PDCD1LG2: variants seen among roughly 807,000 people sequenced by gnomAD.
PDCD1LG2 encodes the protein programmed cell death 1 ligand 2.
PDCD1LG2 carries 32 observed loss-of-function variants against 28.2 expected under a neutral mutation model. The observed-to-expected ratio is 1.13, with a 90% CI of 0.86 to 1.52. PDCD1LG2 has a LOEUF of 1.52. PDCD1LG2 is among the 40% of genes most tolerant of loss of function. PDCD1LG2 has a pLI of 0.00. For synonymous variants in PDCD1LG2, 116 were observed against 120.2 expected (o/e 0.97, Z 0.23); for missense variants, 385 against 323.8 (o/e 1.19, Z -1.45).
chr9:5,544,110 C>G (rs949297521), intron 3 of PDCD1LG2, among the ~76,000 whole-genome samples: 12 of 152,180 alleles, frequency 7.9e-5, no homozygotes, highest in Non-Finnish European at 1.8e-4. Flanking sequence ...GAAATTACAG[C>G]ATTGCTTGTA....
intron 6 of PDCD1LG2, among the ~76,000 whole-genome samples, chr9:5,568,153 T>C (rs774742168): frequency 6.6e-6 from 1 of 152,164 alleles, no homozygotes; most frequent in African/African-American, 2.4e-5. Flanking sequence ...GTGGTGAAAT[T>C]AGAGTGGAGG....
chr9:5,514,278 T>C (rs1820114354), intron 1 of PDCD1LG2, among the ~76,000 whole-genome samples: 2 of 152,186 alleles, frequency 1.3e-5, no homozygotes, highest in Admixed American at 6.5e-5. Flanking sequence ...CAAGTAAATG[T>C]TTTGAATAAA....
chr9:5,539,308 G>C (rs1341539077), intron 3 of PDCD1LG2, among the ~76,000 whole-genome samples: 2 of 152,122 alleles, frequency 1.3e-5, no homozygotes, highest in Non-Finnish European at 2.9e-5. Context: ...CTGATCCAGG[G>C]TCTCTAAAAG....
At chr9:5,534,201 G>A (rs773005870) in intron 2 of PDCD1LG2, among the ~76,000 whole-genome samples, 1 of 152,144 alleles carries the variant, frequency 6.6e-6, no homozygotes, top group Non-Finnish European at 1.5e-5. Context: ...AATTCAACAA[G>A]TAATAGTTAT....
chr9:5,570,519 A>C lies in PDCD1LG2; in HGVS notation c.*560A>C. 2 of 233,354 alleles carry C rather than the reference A, an allele frequency of 8.6e-6. No homozygotes were observed. The highest frequency in any genetic ancestry group is 5.6e-5 in the Admixed American group (1 of 17,846). The allele number at this position is 233,354 out of a possible 1,614,324, so 14.5% of individuals were successfully genotyped here. A position where few individuals can be genotyped will look rare whatever the true frequency, so the allele number is the denominator to read the frequency against. ...ATAGCATAATGAAGTTGTTCTAATT[A>C]ACAGAGAGCATTTAAATATACACTA... On this transcript the variant is annotated 3_prime_UTR_variant, in exon 7 of 7. Transcript: ENST00000397747.
rs183018183 is a variant in PDCD1LG2 at position 5,569,835 on chromosome 9, C to A, written c.817-119C>A. The A allele has an allele frequency of 2.9e-5, 29 of 989,648 alleles. No homozygotes were observed. In the East Asian group the frequency reaches 6.3e-4, roughly 22 times the overall value. 61.3% of individuals were successfully genotyped at this position (989,648 alleles called of 1,614,324 possible). A position where few individuals can be genotyped will look rare whatever the true frequency, so the allele number is the denominator to read the frequency against. On this transcript the variant is annotated intron_variant, in intron 6 of 6. Coordinates refer to ENST00000397747, the MANE Select transcript of PDCD1LG2 (RefSeq NM_025239.4). This position sits in a 1 kb window ranked among gnomAD's most constrained non-coding sequence, Gnocchi z 4.1. ...TTTAAATGAAAAGTTTTAAACCATG[C>A]GGCTTCCAGCTAGATGAACTTTTTT... is the stretch of plus-strand genomic sequence containing the variant.
At chr9:5,549,717 G>A in intron 4 of PDCD1LG2, 113 bp downstream of exon 4, 1 of 1,314,946 alleles carries the variant, frequency 7.6e-7, no homozygotes, top group Non-Finnish European at 1.0e-6. Flanking sequence ...ACAAAGGTGT[G>A]ATCACCATTT....
intron 4 of PDCD1LG2, among the ~76,000 whole-genome samples, chr9:5,553,304 C>A (rs571155551): frequency 6.6e-6 from 1 of 152,162 alleles, no homozygotes; most frequent in Non-Finnish European, 1.5e-5. Flanking sequence ...AAGATGAACT[C>A]TAACTAATTC....
At chr9:5,538,629 A>G (rs1040246851) in intron 3 of PDCD1LG2, among the ~76,000 whole-genome samples, 3 of 151,896 alleles carry the variant, frequency 2.0e-5, no homozygotes, top group African/African-American at 7.3e-5. Context: ...CGGAGCTTGT[A>G]GTGAGCCGAG....
chr9:5,558,935 G>A (rs1429301265), intron 5 of PDCD1LG2, among the ~76,000 whole-genome samples: 1 of 152,214 alleles, frequency 6.6e-6, no homozygotes, highest in Non-Finnish European at 1.5e-5. Context: ...ACAGAACTTC[G>A]ACTTTTAAAT....
intron 3 of PDCD1LG2, among the ~76,000 whole-genome samples, chr9:5,544,710 T>C (rs1032314327): frequency 3.3e-5 from 5 of 150,510 alleles, no homozygotes; most frequent in African/African-American, 4.9e-5. Context: ...TAGTAGTTGT[T>C]GAGTCAGGGA....
intron 4 of PDCD1LG2, among the ~76,000 whole-genome samples, chr9:5,555,526 G>A (rs1816420490): frequency 6.6e-6 from 1 of 152,194 alleles, no homozygotes; most frequent in Non-Finnish European, 1.5e-5. Flanking sequence ...CTACCATAAT[G>A]AAGAGACCTC....
intron 5 of PDCD1LG2, among the ~76,000 whole-genome samples, chr9:5,558,270 C>A (rs767294976): frequency 1.3e-5 from 2 of 152,194 alleles, no homozygotes; most frequent in Non-Finnish European, 2.9e-5. Flanking sequence ...GTTGGTGGTG[C>A]ATTAACGTCT....
chr9:5,543,462 C>T (rs1820728734), intron 3 of PDCD1LG2, among the ~76,000 whole-genome samples: 1 of 148,810 alleles, frequency 6.7e-6, no homozygotes, highest in Non-Finnish European at 1.5e-5. Context: ...TGGCAGGAAC[C>T]TGGGAGGCGG....
At chr9:5,549,847 A>C (rs1460836220) in intron 4 of PDCD1LG2, among the ~76,000 whole-genome samples, 1 of 151,476 alleles carries the variant, frequency 6.6e-6, no homozygotes, top group Non-Finnish European at 1.5e-5. Context: ...ACTTCCCAGG[A>C]GCTGTAGCCA....
chr9:5,539,368 G>A (rs543471706), intron 3 of PDCD1LG2, among the ~76,000 whole-genome samples: 1 of 152,280 alleles, frequency 6.6e-6, no homozygotes, highest in Non-Finnish European at 1.5e-5. Context: ...AATGAAGTAG[G>A]ACTAGAAGAA....
At chr9:5,548,107 A>C (rs973305307) in intron 3 of PDCD1LG2, among the ~76,000 whole-genome samples, 3 of 152,190 alleles carry the variant, frequency 2.0e-5, no homozygotes, top group Admixed American at 6.5e-5. Flanking sequence ...TGGTCATCAC[A>C]CATGGCAATA....
At chr9:5,525,638 T>C (rs1820359190) in intron 2 of PDCD1LG2, among the ~76,000 whole-genome samples, 1 of 151,934 alleles carries the variant, frequency 6.6e-6, no homozygotes, top group African/African-American at 2.4e-5. Context: ...AGCATAATAT[T>C]GAGTAAAAAA....
chr9:5,559,890 CCA>C (rs1345916153), intron 5 of PDCD1LG2, among the ~76,000 whole-genome samples: 2 of 152,192 alleles, frequency 1.3e-5, no homozygotes, highest in Non-Finnish European at 1.5e-5. Context: ...AAAGCTCTAA[CCA>C]CACAGGATTT....
Sources: gnomAD v4.1 joint callset for allele counts (sites outside exome capture counted in the v4.1 genomes callset) on GRCh38, gnomAD v4.1.1 for gene constraint, Gnocchi (gnomAD v3.1) non-coding constraint, MANE v1.5 for transcripts, NCBI Gene and HGNC (gene_info 2026-07-23, HGNC 2026-07-21) for gene names.